ABCD2: variants seen among roughly 807,000 people sequenced by gnomAD.
ABCD2 encodes the protein ATP-binding cassette sub-family D member 2.
ABCD2 carries 36 observed loss-of-function variants against 70.9 expected under a neutral mutation model. The ratio of observed to expected loss-of-function variants is 0.51; its 90% CI spans 0.39 to 0.67. The LOEUF (loss-of-function observed/expected upper bound fraction) is 0.67. ABCD2 is among the 30% of genes least tolerant of loss of function. The pLI is 0.00. For synonymous variants in ABCD2, 304 were observed against 306.9 expected (o/e 0.99, Z 0.10); for missense variants, 729 against 890.2 (o/e 0.82, Z 2.30).
intron 6 of ABCD2, among the ~76,000 whole-genome samples, chr12:39,588,435 GA>G (rs1402343400): frequency 3.9e-5 from 6 of 152,092 alleles, no homozygotes; most frequent in African/African-American, 1.4e-4. Flanking sequence ...AGAAACACAG[GA>G]AAGAAAAGAA....
At chr12:39,607,161 G>C (rs1446891567) in intron 3 of ABCD2, among the ~76,000 whole-genome samples, 1 of 152,164 alleles carries the variant, frequency 6.6e-6, no homozygotes, top group Non-Finnish European at 1.5e-5. Flanking sequence ...AATATGTGCT[G>C]TTTTAAATTT....
chr12:39,598,591 G>A (rs1281826132), intron 6 of ABCD2, among the ~76,000 whole-genome samples: 1 of 151,874 alleles, frequency 6.6e-6, no homozygotes, highest in Non-Finnish European at 1.5e-5. Flanking sequence ...GTAGAGACGG[G>A]GTTTCTCCAT....
chr12:39,535,147 A>G, the ABCD2 span, among the ~76,000 whole-genome samples: 1 of 152,122 alleles, frequency 6.6e-6, no homozygotes, highest in Non-Finnish European at 1.5e-5. Context: ...CTTTAAAGTT[A>G]TAGCCACTAG....
chr12:39,591,419 AAAT>A (rs1269852201), intron 6 of ABCD2, among the ~76,000 whole-genome samples: 3 of 152,330 alleles, frequency 2.0e-5, no homozygotes, highest in Non-Finnish European at 4.4e-5. Context: ...CAAGTAATAA[AAAT>A]AATATTAGGC....
At chr12:39,568,267 C>T (rs1941389316) in intron 9 of ABCD2, among the ~76,000 whole-genome samples, 1 of 152,178 alleles carries the variant, frequency 6.6e-6, no homozygotes, top group African/African-American at 2.4e-5. Context: ...GTACACCAAT[C>T]AGATGTAGAT....
At chr12:39,541,612 C>T in the ABCD2 span, among the ~76,000 whole-genome samples, 4 of 152,172 alleles carry the variant, frequency 2.6e-5, no homozygotes, top group Admixed American at 2.6e-4. Context: ...ATTAGATTTG[C>T]AGTGGGAAAA....
At chr12:39,561,047 C>G (rs1303500835) in intron 9 of ABCD2, among the ~76,000 whole-genome samples, 1 of 151,974 alleles carries the variant, frequency 6.6e-6, no homozygotes, top group Non-Finnish European at 1.5e-5. Flanking sequence ...GGAGTAATTC[C>G]TTACCTATTA....
Position 39,552,137 on chromosome 12 carries a change from A to G in ABCD2, c.*1775T>C, listed in dbSNP as rs1355918622. ...TAAGTAGGTGATAATACTAATGAAA[A>G]CGTTGGACAAATGTACTGATTATAA... is the stretch of plus-strand genomic sequence containing the variant. On this transcript the variant is annotated 3_prime_UTR_variant, in exon 10 of 10. Transcript: ENST00000308666. The G allele has an allele frequency of 6.6e-6, 1 of 151,956 alleles. No individual in the cohort carries two copies. The highest frequency in any genetic ancestry group is 1.5e-5 in the Non-Finnish European group (1 of 67,830). 9.4% of individuals were successfully genotyped at this position (151,956 alleles called of 1,614,324 possible). A position where few individuals can be genotyped will look rare whatever the true frequency, so the allele number is the denominator to read the frequency against.
chr12:39,545,081 T>C (rs1448176035), downstream of ABCD2, among the ~76,000 whole-genome samples: 3 of 152,210 alleles, frequency 2.0e-5, no homozygotes, highest in Non-Finnish European at 4.4e-5. Context: ...TTTTGAAGCA[T>C]AATTTTTGTC....
At chr12:39,570,588 G>A (rs1052481995) in intron 9 of ABCD2, among the ~76,000 whole-genome samples, 1 of 152,010 alleles carries the variant, frequency 6.6e-6, no homozygotes, top group Non-Finnish European at 1.5e-5. Flanking sequence ...AACTCAAAAT[G>A]GATTAAAGAC....
chr12:39,560,183 C>G (rs1285262914), intron 9 of ABCD2, among the ~76,000 whole-genome samples: 1 of 152,084 alleles, frequency 6.6e-6, no homozygotes, highest in Admixed American at 6.5e-5. Flanking sequence ...ACAACAGGCC[C>G]CGGTGTGTGA....
intron 6 of ABCD2, among the ~76,000 whole-genome samples, chr12:39,593,738 A>AT (rs1238096867): frequency 1.3e-5 from 2 of 152,190 alleles, no homozygotes; most frequent in Non-Finnish European, 2.9e-5. Context: ...AGGGTAAGTC[A>AT]TGATCTTTTT....
intron 9 of ABCD2, among the ~76,000 whole-genome samples, chr12:39,555,115 T>A (rs1253337844): frequency 6.6e-6 from 1 of 152,136 alleles, no homozygotes; most frequent in Non-Finnish European, 1.5e-5. Flanking sequence ...ACTCACAAGC[T>A]CATGCAACCA....
downstream of ABCD2, among the ~76,000 whole-genome samples, chr12:39,547,379 A>G (rs982952814): frequency 5.9e-5 from 9 of 152,176 alleles, no homozygotes; most frequent in Non-Finnish European, 1.0e-4. Flanking sequence ...TCGTACAACC[A>G]TATTCACACA....
intron 9 of ABCD2, among the ~76,000 whole-genome samples, chr12:39,559,039 G>T (rs918011375): frequency 1.3e-5 from 2 of 152,084 alleles, no homozygotes; most frequent in Non-Finnish European, 2.9e-5. Context: ...GAATGAAAAG[G>T]AATGAAGAAA....
chr12:39,560,722 T>C (rs1043845566), intron 9 of ABCD2, among the ~76,000 whole-genome samples: 2 of 152,168 alleles, frequency 1.3e-5, no homozygotes, highest in Non-Finnish European at 2.9e-5. Flanking sequence ...GTAAAGATTG[T>C]GCCTTTTTTG....
At chr12:39,590,691 G>A (rs1052537730) in intron 6 of ABCD2, among the ~76,000 whole-genome samples, 1 of 151,302 alleles carries the variant, frequency 6.6e-6, no homozygotes, top group Non-Finnish European at 1.5e-5. Context: ...AATGTCTCAA[G>A]GTGCTTTTAT....
chr12:39,597,866 T>TTG (rs1311230527), intron 6 of ABCD2, among the ~76,000 whole-genome samples: 18 of 152,308 alleles, frequency 1.2e-4, no homozygotes, highest in Admixed American at 3.9e-4. Flanking sequence ...CAACATTTTT[T>TTG]TGTGTGTGTA....
In ABCD2 at chr12:39,619,292, G is replaced by A. The variant is rs1942160693; in HGVS notation, c.324C>T (p.Cys108=). The change falls in exon 1 of 10, where the codon TGC becomes TGT. Residue 108 remains cysteine, a synonymous_variant. Transcript: ENST00000308666. The part of the protein sequence containing the change: ...KLVTTETGWL[C]LHSVALISRT... ...TTGAGATTAGAGCCACTGAGTGCAG[G>A]CAGAGCCACCCTGTTTCAGTGGTCA... 2.5e-6 allele frequency: 4 copies of A among 1,614,120 alleles called. No homozygotes were observed. The highest frequency in any genetic ancestry group is 3.4e-6 in the Non-Finnish European group (4 of 1,180,034).
Sources: gnomAD v4.1 joint callset for allele counts (sites outside exome capture counted in the v4.1 genomes callset) on GRCh38, gnomAD v4.1.1 for gene constraint, MANE v1.5 for transcripts, NCBI Gene and HGNC (gene_info 2026-07-23, HGNC 2026-07-21) for gene names.